The following PACRG variants were observed in gnomAD, a reference collection of about 807,000 sequenced individuals.
PACRG encodes parkin coregulated.
In PACRG, 29 loss-of-function variants were observed where a neutral mutation model predicts 29.7. The observed-to-expected ratio is 0.98, with a 90% confidence interval of 0.73 to 1.33. PACRG has a LOEUF of 1.33. Ranked by LOEUF, PACRG falls within the 40% of genes most tolerant of loss-of-function variation. The pLI, the probability that PACRG is intolerant of heterozygous loss-of-function variation, is 0.00. For synonymous variants in PACRG, 116 were observed against 118.7 expected (o/e 0.98, Z 0.15); for missense variants, 279 against 316.2 (o/e 0.88, Z 0.89).
chr6:163,267,205 A>G (rs1783562401), intron 4 of PACRG, among the ~76,000 whole-genome samples: 2 of 152,186 alleles, frequency 1.3e-5, no homozygotes, highest in Non-Finnish European at 2.9e-5. Context: ...TCCTGGGACC[A>G]CAAATGACCC....
At chr6:163,017,252 A>G (rs1358279227) in intron 2 of PACRG, among the ~76,000 whole-genome samples, 1 of 152,182 alleles carries the variant, frequency 6.6e-6, no homozygotes, top group Non-Finnish European at 1.5e-5. Flanking sequence ...ATAAATATAA[A>G]CGTGGGGGGA....
At chr6:162,789,933 T>A (rs946797201) in intron 1 of PACRG, among the ~76,000 whole-genome samples, 2 of 152,166 alleles carry the variant, frequency 1.3e-5, no homozygotes, top group Non-Finnish European at 2.9e-5. Context: ...CATATCTACC[T>A]GCATATGGAG....
chr6:162,927,507 A>T (rs140363919), intron 2 of PACRG, among the ~76,000 whole-genome samples: 2 of 152,272 alleles, frequency 1.3e-5, no homozygotes, highest in African/African-American at 4.8e-5. Context: ...CTGCAGGGAC[A>T]TGGATGGAGC....
At chr6:163,013,332 G>T (rs1805790317) in intron 2 of PACRG, among the ~76,000 whole-genome samples, 1 of 151,680 alleles carries the variant, frequency 6.6e-6, no homozygotes, top group Admixed American at 6.6e-5. Flanking sequence ...CGCCAATGGA[G>T]TGTAAAAGTT....
intron 2 of PACRG, chr6:163,016,349 A>G (rs1405122696): frequency 1.3e-5 from 2 of 152,144 alleles, no homozygotes; most frequent in African/African-American, 4.8e-5. Flanking sequence ...GGAAAGATCT[A>G]CTCTGGGAAA....
chr6:163,273,592 A>C (rs559555627), intron 4 of PACRG, among the ~76,000 whole-genome samples: 1 of 152,074 alleles, frequency 6.6e-6, no homozygotes, highest in African/African-American at 2.4e-5. Context: ...AATTTATCCA[A>C]ATTTCAAATG....
At chr6:162,767,409 A>G (rs1056672052) in intron 1 of PACRG, among the ~76,000 whole-genome samples, 7 of 151,692 alleles carry the variant, frequency 4.6e-5, no homozygotes, top group Non-Finnish European at 8.9e-5. Flanking sequence ...TTTCTCTTAA[A>G]GTGTTTCTTC....
At chr6:163,150,726 C>T (rs778430038) in intron 4 of PACRG, among the ~76,000 whole-genome samples, 3 of 152,240 alleles carry the variant, frequency 2.0e-5, no homozygotes, top group Non-Finnish European at 2.9e-5. Flanking sequence ...GCGGTTACCC[C>T]GCTTGGTAGT....
chr6:162,916,991 A>G (rs1488094102), intron 2 of PACRG, among the ~76,000 whole-genome samples: 1 of 152,070 alleles, frequency 6.6e-6, no homozygotes, highest in Non-Finnish European at 1.5e-5. Context: ...TAATTTTCCC[A>G]AAAGTTGGAA....
chr6:163,143,522 T>C (rs1222446859), intron 4 of PACRG, among the ~76,000 whole-genome samples: 1 of 152,234 alleles, frequency 6.6e-6, no homozygotes, highest in Non-Finnish European at 1.5e-5. Context: ...GCCTTCTTTA[T>C]GCCATGCAGC....
intron 2 of PACRG, among the ~76,000 whole-genome samples, chr6:162,945,934 G>A (rs1277182887): frequency 1.3e-5 from 2 of 152,074 alleles, no homozygotes; most frequent in Non-Finnish European, 1.5e-5. Flanking sequence ...AAGAAGTTAA[G>A]GAGGAAATTA....
chr6:163,228,278 G>A lies in PACRG; in HGVS notation c.614-86549G>A, dbSNP rs551535196. 9.2e-4 allele frequency among the ~76,000 whole-genome samples: 135 copies of A among 146,242 alleles called. 1 individual carries two copies. The highest frequency in any genetic ancestry group is 3.8e-3 in the Middle Eastern group (1 of 264). On this transcript the variant is annotated intron_variant, in intron 4 of 4. Coordinates refer to ENST00000366888, the MANE Select transcript of PACRG (RefSeq NM_001080379.2). ...AGTACTTGTGGTATCAGAAGATGTAGTCAGAGTCCCTGAGCCCAGAGGGTG... is the reference window on the plus strand; with the variant it reads ...AGTACTTGTGGTATCAGAAGATGTAATCAGAGTCCCTGAGCCCAGAGGGTG...
At chr6:163,114,625 C>T (rs186904463) in intron 4 of PACRG, among the ~76,000 whole-genome samples, 23 of 152,116 alleles carry the variant, frequency 1.5e-4, no homozygotes, top group Admixed American at 2.6e-4. Context: ...ATTACATGAT[C>T]TCACTTATAT....
chr6:162,862,998 C>T (rs1170707011), intron 2 of PACRG, among the ~76,000 whole-genome samples: 1 of 152,184 alleles, frequency 6.6e-6, no homozygotes, highest in Admixed American at 6.5e-5. Flanking sequence ...CATGTTGGTC[C>T]TGTTTATGAG....
At chr6:162,950,574 T>G (rs1799575377) in intron 2 of PACRG, among the ~76,000 whole-genome samples, 1 of 152,152 alleles carries the variant, frequency 6.6e-6, no homozygotes, top group African/African-American at 2.4e-5. Context: ...GTACAGTGAA[T>G]TTCATGCCTT....
chr6:162,945,761 T>G (rs944775751), intron 2 of PACRG, among the ~76,000 whole-genome samples: 57 of 152,042 alleles, frequency 3.7e-4, no homozygotes, highest in Non-Finnish European at 1.2e-4. Context: ...AAAACAAGTC[T>G]CAACAAATTT....
chr6:162,843,385 C>T (rs1195824331), intron 2 of PACRG, among the ~76,000 whole-genome samples: 3 of 150,916 alleles, frequency 2.0e-5, no homozygotes, highest in Non-Finnish European at 1.5e-5. Flanking sequence ...TCTAGTTGAT[C>T]GCATTGGCTC....
intron 4 of PACRG, among the ~76,000 whole-genome samples, chr6:163,142,932 G>C (rs895969382): frequency 1.3e-5 from 2 of 152,194 alleles, no homozygotes; most frequent in East Asian, 1.9e-4. Context: ...CCAAGAATCC[G>C]TCCTAGAACA....
intron 2 of PACRG, among the ~76,000 whole-genome samples, chr6:162,820,984 G>A (rs1457732231): frequency 1.3e-5 from 2 of 151,918 alleles, no homozygotes; most frequent in Non-Finnish European, 2.9e-5. Context: ...AAATCCTCTG[G>A]CAATGAGTGT....
Sources: gnomAD v4.1 joint callset for allele counts (sites outside exome capture counted in the v4.1 genomes callset) on GRCh38, gnomAD v4.1.1 for gene constraint, MANE v1.5 for transcripts, NCBI Gene and HGNC (gene_info 2026-07-23, HGNC 2026-07-21) for gene names.